Variants in CNTN6 observed in about 807,000 individuals in gnomAD.
CNTN6 encodes the protein contactin-6.
In CNTN6, 137 loss-of-function variants were observed where a neutral mutation model predicts 122.8. The observed-to-expected ratio is 1.12, with a 90% CI of 0.97 to 1.29. The LOEUF (loss-of-function observed/expected upper bound fraction) is 1.29. Among genes scored for constraint, CNTN6 ranks in the 50% most tolerant of loss-of-function variants. The pLI, the probability that CNTN6 is intolerant of heterozygous loss-of-function variation, is 0.00. For synonymous variants in CNTN6, 570 were observed against 426.0 expected, an observed-to-expected ratio of 1.34 and a Z score of -4.16; for missense variants, 1,634 against 1,223.4, an observed-to-expected ratio of 1.34 and a Z score of -5.01.
intron 8 of CNTN6, among the ~76,000 whole-genome samples, chr3:1,324,617 G>T (rs1157342810): frequency 6.7e-6 from 1 of 149,732 alleles, no homozygotes; most frequent in Non-Finnish European, 1.5e-5. Context: ...TGGGTAGACA[G>T]CTCTAAAGAC....
intron 4 of CNTN6, among the ~76,000 whole-genome samples, chr3:1,242,658 G>A (rs539827698): frequency 2.6e-5 from 4 of 152,020 alleles, no homozygotes; most frequent in Admixed American, 1.3e-4. Flanking sequence ...GGGTTAAGGT[G>A]GGGGGATATG....
At chr3:1,361,210 C>G (rs947370421) in intron 12 of CNTN6, among the ~76,000 whole-genome samples, 1 of 152,114 alleles carries the variant, frequency 6.6e-6, no homozygotes, top group African/African-American at 2.4e-5. Flanking sequence ...CACCTTGACA[C>G]ACACAAGAAA....
intron 7 of CNTN6, among the ~76,000 whole-genome samples, chr3:1,315,610 ATAT>A (rs1699989583): frequency 6.6e-6 from 1 of 151,990 alleles, no homozygotes; most frequent in African/African-American, 2.4e-5. Context: ...ATGATTATTA[ATAT>A]TATTTTAAAA....
intron 4 of CNTN6, among the ~76,000 whole-genome samples, chr3:1,255,648 G>A (rs923232501): frequency 6.6e-5 from 10 of 151,764 alleles, no homozygotes; most frequent in African/African-American, 1.5e-4. Flanking sequence ...TGATTTAATC[G>A]ATTATATATA....
chr3:1,361,507 CTA>C, intron 12 of CNTN6, among the ~76,000 whole-genome samples: 1 of 152,194 alleles, frequency 6.6e-6, no homozygotes, highest in Admixed American at 6.6e-5. Flanking sequence ...TAGTACATTT[CTA>C]TGTTAGGAAT....
At chr3:1,274,958 C>A (rs187671682) in intron 4 of CNTN6, among the ~76,000 whole-genome samples, 1 of 152,008 alleles carries the variant, frequency 6.6e-6, no homozygotes, top group East Asian at 1.9e-4. Context: ...GACCACCCAA[C>A]GCCCCCACCC....
Position 1,288,210 on chromosome 3 carries a change from G to A in CNTN6, c.455-7391G>A, listed in dbSNP as rs1172427650. 3.9e-5 allele frequency among the ~76,000 whole-genome samples: 6 copies of A among 152,120 alleles called. No individual in the cohort carries two copies. The East Asian group carries it at 7.7e-4, about 20-fold the overall frequency. On this transcript the variant is annotated intron_variant, in intron 5 of 22. Transcript: ENST00000446702. ...TTTATTTAACTGTCATTCATAGGCC[G>A]TAAAGAACCACCATCTCCTTGATTC...
chr3:1,120,329 A>T (rs1332796509), intron 1 of CNTN6, among the ~76,000 whole-genome samples: 1 of 151,896 alleles, frequency 6.6e-6, no homozygotes, highest in Non-Finnish European at 1.5e-5. Context: ...CAATATACGA[A>T]AGGTTTAGCT....
rs529128665 is a variant in CNTN6, at chr3:1,242,962, C to T, written c.358+14969C>T. Among the ~76,000 whole-genome samples the T allele has an allele frequency of 1.6e-4, 24 of 151,950 alleles. No homozygotes were observed. The East Asian group carries it at 3.7e-3, about 23-fold the overall frequency. ...AAGGTAATGTGGAGTGGGTAGCCTC[C>T]GTATTGATTAAGAAGGGGACGGACT... On this transcript the variant is annotated intron_variant, in intron 4 of 22. Transcript: ENST00000446702.
intron 5 of CNTN6, among the ~76,000 whole-genome samples, chr3:1,283,172 C>A (rs1353999843): frequency 6.6e-6 from 1 of 152,160 alleles, no homozygotes; most frequent in Non-Finnish European, 1.5e-5. Context: ...CAGGGTGGGT[C>A]TCCAACTCCT....
intron 7 of CNTN6, among the ~76,000 whole-genome samples, chr3:1,311,420 T>TATATACATAC (rs1699267967): frequency 4.5e-5 from 3 of 67,136 alleles, no homozygotes; most frequent in African/African-American, 1.8e-4. Context: ...AATGTCTTTA[T>TATATACATAC]ATGTACATAT....
intron 1 of CNTN6, among the ~76,000 whole-genome samples, chr3:1,145,511 T>A (rs1031583986): frequency 4.4e-4 from 67 of 152,132 alleles, no homozygotes; most frequent in Non-Finnish European, 7.5e-4. Flanking sequence ...AAATAATGAA[T>A]ATCCGTTAAA....
At chr3:1,238,762 A>C (rs1266983917) in intron 4 of CNTN6, among the ~76,000 whole-genome samples, 1 of 152,202 alleles carries the variant, frequency 6.6e-6, no homozygotes, top group African/African-American at 2.4e-5. Flanking sequence ...ACAGTGAAAT[A>C]AAATTGGAAA....
chr3:1,276,822 G>T (rs1692454561), intron 4 of CNTN6, among the ~76,000 whole-genome samples: 2 of 152,140 alleles, frequency 1.3e-5, no homozygotes, highest in South Asian at 4.1e-4. Flanking sequence ...GTAATATAAT[G>T]ATCTAAAGTT....
chr3:1,373,679 G>T lies in CNTN6; in HGVS notation c.1862G>T (p.Gly621Val), dbSNP rs1468697328. ...STTSQLSWRA[G>V]PDNNSPIQIF... ...ACTTCTCAACTAAGTTGGAGAGCAG[G>T]CCCAGATAATAACAGTCCCATTCAA... The change falls in exon 15 of 23, where the codon GGC becomes GTC. Residue 621 changes from glycine (G) to valine (V), a missense_variant. Gly to Val is a moderately radical substitution (Grantham distance 109, BLOSUM62 -3). Coordinates refer to ENST00000446702, the MANE Select transcript of CNTN6 (RefSeq NM_001289080.2). 1.2e-6 allele frequency: 2 copies of T among 1,613,012 alleles called. No homozygotes were observed. Among genetic ancestry groups the T allele is most frequent in the East Asian group, 2.2e-5 (1 of 44,840 alleles).
chr3:1,172,748 A>G (rs897852377), intron 2 of CNTN6, among the ~76,000 whole-genome samples: 8 of 152,110 alleles, frequency 5.3e-5, no homozygotes, highest in African/African-American at 1.9e-4. Flanking sequence ...TATTCTTGAA[A>G]GGGCAGTCAG....
intron 2 of CNTN6, among the ~76,000 whole-genome samples, chr3:1,169,892 C>T (rs2093328468): frequency 6.6e-6 from 1 of 152,086 alleles, no homozygotes; most frequent in African/African-American, 2.4e-5. Flanking sequence ...TTACAATTTT[C>T]AAGTGATATG....
chr3:1,398,201 G>C (rs1695223806), intron 20 of CNTN6, among the ~76,000 whole-genome samples: 1 of 152,102 alleles, frequency 6.6e-6, no homozygotes, highest in South Asian at 2.1e-4. Flanking sequence ...TTTTATCATA[G>C]ATATTTGCAA....
intron 11 of CNTN6, among the ~76,000 whole-genome samples, chr3:1,332,526 G>GGAAGGGGCGAGCAAGGAAT (rs1553687733): frequency 0.025 from 3,787 of 149,686 alleles, 83 homozygotes; most frequent in South Asian, 0.051. Context: ...AAGGAAGGAA[G>GGAAGGGGCGAGCAAGGAAT]GAAGGAGGGA....
Sources: gnomAD v4.1 joint callset for allele counts (sites outside exome capture counted in the v4.1 genomes callset) on GRCh38, gnomAD v4.1.1 for gene constraint, MANE v1.5 for transcripts, NCBI Gene and HGNC (gene_info 2026-07-23, HGNC 2026-07-21) for gene names.